TCF20: variants seen among roughly 807,000 people sequenced by gnomAD.
The protein encoded by TCF20 is transcription factor 20, also known as SPRE-binding protein.
TCF20 carries 3 observed loss-of-function variants against 148.6 expected under a neutral mutation model. The ratio of observed to expected loss-of-function variants is 0.02; its 90% confidence interval spans 0.01 to 0.05. TCF20 has a LOEUF of 0.05. TCF20 is among the 10% of genes least tolerant of loss of function. The pLI is 1.00. For synonymous variants in TCF20, 1,049 were observed against 909.5 expected (o/e 1.15, Z -2.76); for missense variants, 2,350 against 2,429.3 (o/e 0.97, Z 0.69).
chr22:42,195,814 T>G (rs903236440), intron 2 of TCF20, among the ~76,000 whole-genome samples: 2 of 152,234 alleles, frequency 1.3e-5, no homozygotes, highest in African/African-American at 4.8e-5. Flanking sequence ...ATTACATACT[T>G]TTAAACATAC....
rs1920938874 is a variant in TCF20 at position 42,210,674 on chromosome 22, A to G, written c.4632T>C (p.Ile1544=). ...FPSGKKKGRP[I]GSVNKQKKQQ... is the part of the protein sequence containing the mutation. ...GTTTCTTTTGCTTATTCACACTACC[A>G]ATGGGTCTCCCCTTCTTCTTTCCTG... The change falls in exon 2 of 6, where the codon ATT becomes ATC. Residue 1544 remains isoleucine, a synonymous_variant. Coordinates refer to ENST00000677622, the MANE Select transcript of TCF20 (RefSeq NM_001378418.1). This position sits in a 1 kb window ranked among gnomAD's most constrained non-coding sequence, Gnocchi z 4.7. 1 of 1,613,772 alleles carries G rather than the reference A, an allele frequency of 6.2e-7. No individual in the cohort carries two copies. The highest frequency in any genetic ancestry group is 8.5e-7 in the Non-Finnish European group (1 of 1,179,976).
intron 1 of TCF20, among the ~76,000 whole-genome samples, chr22:42,293,449 CTGCATGA>C (rs1927169453): frequency 6.6e-6 from 1 of 152,238 alleles, no homozygotes; most frequent in African/African-American, 2.4e-5. Context: ...CTCCTTTATC[CTGCATGA>C]CTACCTGGGG....
Position 42,282,449 on chromosome 22 carries a change from T to A in TCF20, c.-37+1378A>T, listed in dbSNP as rs551624200. On this transcript the variant is annotated intron_variant, in intron 1 of 5. Coordinates refer to the TCF20 transcript ENST00000359486. ...AGAGGAGTCAAGGTCCAGGAGGCTG[T>A]GCTAACAGCCCCTGGCTGCAGAGCT... is the stretch of plus-strand genomic sequence containing the variant. Among the ~76,000 whole-genome samples, 104 of 152,350 alleles carry A rather than the reference T, an allele frequency of 6.8e-4. 1 individual carries two copies. Among genetic ancestry groups the A allele is most frequent in the Middle Eastern group, 6.8e-3 (2 of 294 alleles).
chr22:42,230,288 C>T (rs1923282190), intron 1 of TCF20, among the ~76,000 whole-genome samples: 2 of 152,172 alleles, frequency 1.3e-5, no homozygotes, highest in South Asian at 4.1e-4. Flanking sequence ...CCTGGTGATG[C>T]TGTAGCTGTC....
chr22:42,271,006 C>T (rs1304833062), upstream of TCF20, among the ~76,000 whole-genome samples: 1 of 152,092 alleles, frequency 6.6e-6, no homozygotes, highest in Non-Finnish European at 1.5e-5. Context: ...TCTGGGATTT[C>T]TGGAGTTCCC....
At chr22:42,256,561 C>T (rs1186056632) in intron 1 of TCF20, among the ~76,000 whole-genome samples, 2 of 151,398 alleles carry the variant, frequency 1.3e-5, no homozygotes, top group Non-Finnish European at 2.9e-5. Context: ...ACTGAATATG[C>T]TAGAACTTAA....
intron 1 of TCF20, among the ~76,000 whole-genome samples, chr22:42,221,169 G>A (rs568507559): frequency 6.6e-6 from 1 of 152,160 alleles, no homozygotes; most frequent in Non-Finnish European, 1.5e-5. Context: ...TAAACGTAGA[G>A]GTTGATGATA....
intron 1 of TCF20, among the ~76,000 whole-genome samples, chr22:42,258,365 G>T (rs144007729): frequency 6.6e-6 from 1 of 151,918 alleles, no homozygotes; most frequent in South Asian, 2.1e-4. Context: ...ACCTCTGCTC[G>T]CACCTCTGCT....
upstream of TCF20, among the ~76,000 whole-genome samples, chr22:42,273,021 A>T (rs531800518): frequency 7.1e-3 from 1,063 of 149,926 alleles, 16 homozygotes; most frequent in African/African-American, 0.025. Context: ...AAAGAAAAAA[A>T]TTTTTTTTTA....
At chr22:42,272,993 CT>C (rs1269168467), upstream of TCF20, among the ~76,000 whole-genome samples, 1 of 152,070 alleles carries the variant, frequency 6.6e-6, no homozygotes, top group Non-Finnish European at 1.5e-5. Context: ...GAGACTCCCC[CT>C]CATCTCTATT....
intron 5 of TCF20, among the ~76,000 whole-genome samples, chr22:42,165,005 G>A (rs1021801674): frequency 2.6e-5 from 4 of 152,208 alleles, no homozygotes; most frequent in East Asian, 1.9e-4. Context: ...AATCTCTGAC[G>A]TAGAGAAGGG....
rs141447843 is a variant in TCF20 at position 42,219,766 on chromosome 22, G to A, written c.-36-4425C>T. Reference sequence around the variant, plus strand: ...AGCACCTCGGGGGGCTGAGGCAGGAGGATCGCCTGAGCCTCGGAGGCAGAG... The same window carrying A: ...AGCACCTCGGGGGGCTGAGGCAGGAAGATCGCCTGAGCCTCGGAGGCAGAG... On this transcript the variant is annotated intron_variant, in intron 1 of 5. Transcript: ENST00000677622. Among the ~76,000 whole-genome samples the A allele has an allele frequency of 4.7e-4, 72 of 152,208 alleles. No individual in the cohort carries two copies. In the Middle Eastern group the frequency reaches 0.017, roughly 36 times the overall value.
At chr22:42,240,964 T>C (rs1924346838) in intron 1 of TCF20, among the ~76,000 whole-genome samples, 1 of 151,996 alleles carries the variant, frequency 6.6e-6, no homozygotes, top group South Asian at 2.1e-4. Flanking sequence ...CATACGACTC[T>C]CCTGCCTCAG....
At chr22:42,184,688 A>C (rs372999354) in intron 2 of TCF20, among the ~76,000 whole-genome samples, 1 of 152,208 alleles carries the variant, frequency 6.6e-6, no homozygotes, top group African/African-American at 2.4e-5. Flanking sequence ...GGGGGCTCCA[A>C]GCATGATTTC....
At chr22:42,218,395 G>C (rs2143139) in intron 1 of TCF20, among the ~76,000 whole-genome samples, 97,132 of 151,952 alleles carry the variant, frequency 0.64, 31,149 homozygotes, top group East Asian at 0.66. Flanking sequence ...CTCTTCACCC[G>C]CTCCCCATCA....
At chr22:42,167,467 GA>G (rs1434894747) in intron 5 of TCF20, among the ~76,000 whole-genome samples, 1 of 152,190 alleles carries the variant, frequency 6.6e-6, no homozygotes. Flanking sequence ...GAATATTTCT[GA>G]GACAACTAGT....
chr22:42,232,308 TACATCCTAAGATGTTAGA>T (rs1923490185), intron 1 of TCF20, among the ~76,000 whole-genome samples: 1 of 152,102 alleles, frequency 6.6e-6, no homozygotes, highest in South Asian at 2.1e-4. Context: ...TGTGTGTAAG[TACATCCTAAGATGTTAGA>T]ACAACGACAA....
chr22:42,275,225 C>A (rs990054127), upstream of TCF20: 30 of 152,276 alleles, frequency 2.0e-4, no homozygotes, highest in African/African-American at 7.0e-4. Context: ...GCCCCTCCAG[C>A]AGTCATATAT....
rs79504780 is a variant in TCF20 at position 42,173,349 on chromosome 22, T to C, written c.5750-3453A>G. Among the ~76,000 whole-genome samples, 135 of 151,754 alleles carry C rather than the reference T, an allele frequency of 8.9e-4. 1 individual carries two copies. The East Asian group carries it at 0.022, about 25-fold the overall frequency. ...ACAAGCAACACAAAACAGCTGACCATGATGTCAGAAATGCAGGGTCAACAT... is the reference window on the plus strand; with the variant it reads ...ACAAGCAACACAAAACAGCTGACCACGATGTCAGAAATGCAGGGTCAACAT... On this transcript the variant is annotated intron_variant, in intron 3 of 5. Coordinates refer to ENST00000677622, the MANE Select transcript of TCF20 (RefSeq NM_001378418.1).
Sources: gnomAD v4.1 joint callset for allele counts (sites outside exome capture counted in the v4.1 genomes callset) on GRCh38, gnomAD v4.1.1 for gene constraint, Gnocchi (gnomAD v3.1) non-coding constraint, MANE v1.5 for transcripts, NCBI Gene and HGNC (gene_info 2026-07-23, HGNC 2026-07-21) for gene names.